Variants in PHACTR3 observed in about 807,000 individuals in gnomAD.
The protein encoded by PHACTR3 is phosphatase and actin regulator 3, also known as protein phosphatase 1, regulatory subunit 123.
In PHACTR3, 16 loss-of-function variants were observed where a neutral mutation model predicts 66.8. That is an observed-to-expected ratio of 0.24 (90% CI 0.16 to 0.36). PHACTR3 has a LOEUF of 0.36. Ranked by LOEUF, PHACTR3 falls within the 10% of genes least tolerant of loss-of-function variation. PHACTR3 has a pLI of 1.00. For synonymous variants in PHACTR3, 323 were observed against 292.1 expected (o/e 1.11, Z -1.08); for missense variants, 647 against 719.9 (o/e 0.90, Z 1.16).
intron 1 of PHACTR3, among the ~76,000 whole-genome samples, chr20:59,682,169 G>T (rs1306399350): frequency 6.6e-6 from 1 of 151,808 alleles, no homozygotes; most frequent in Non-Finnish European, 1.5e-5. Context: ...GCAAAACCCC[G>T]TCTCTACTAA....
At chr20:59,808,131 C>T (rs183729456) in intron 8 of PHACTR3, among the ~76,000 whole-genome samples, 2 of 152,312 alleles carry the variant, frequency 1.3e-5, no homozygotes, top group African/African-American at 4.8e-5. Context: ...CTACCATGAG[C>T]CGGGTGGAGC....
intron 7 of PHACTR3, among the ~76,000 whole-genome samples, chr20:59,799,702 T>A (rs1467225549): frequency 6.6e-6 from 1 of 152,184 alleles, no homozygotes; most frequent in Non-Finnish European, 1.5e-5. Context: ...AGGTTCTTTA[T>A]ATATAAGACT....
intron 7 of PHACTR3, among the ~76,000 whole-genome samples, chr20:59,776,037 T>A (rs950367199): frequency 6.6e-6 from 1 of 152,202 alleles, no homozygotes; most frequent in Non-Finnish European, 1.5e-5. Flanking sequence ...CAGCTGAGAA[T>A]CACTGGCATA....
chr20:59,791,250 C>T (rs1291699579), intron 7 of PHACTR3, among the ~76,000 whole-genome samples: 1 of 152,164 alleles, frequency 6.6e-6, no homozygotes, highest in African/African-American at 2.4e-5. Context: ...CTTTGCCCTT[C>T]TGTTATGTTA....
At chr20:59,686,999 T>C (rs1321026964) in intron 1 of PHACTR3, among the ~76,000 whole-genome samples, 2 of 151,548 alleles carry the variant, frequency 1.3e-5, no homozygotes, top group African/African-American at 4.9e-5. Context: ...GTGATGATGG[T>C]GGTGATTGTG....
chr20:59,716,914 G>A (rs1433015161), intron 1 of PHACTR3, among the ~76,000 whole-genome samples: 1 of 152,164 alleles, frequency 6.6e-6, no homozygotes, highest in Non-Finnish European at 1.5e-5. Flanking sequence ...ACGCAAGCGT[G>A]GGTGAAGGCT....
chr20:59,832,114 G>A (rs1229272729), intron 8 of PHACTR3, among the ~76,000 whole-genome samples: 2 of 152,148 alleles, frequency 1.3e-5, no homozygotes, highest in East Asian at 3.9e-4. Context: ...CCTGCCAGCT[G>A]GTGTTGCCGG....
intron 1 of PHACTR3, among the ~76,000 whole-genome samples, chr20:59,708,423 C>T (rs1044377597): frequency 5.3e-5 from 8 of 152,182 alleles, no homozygotes; most frequent in East Asian, 1.9e-4. Context: ...CATGGAGAAC[C>T]GTGCCCTGGC....
At chr20:59,692,235 A>G (rs1274620685) in intron 1 of PHACTR3, among the ~76,000 whole-genome samples, 3 of 152,334 alleles carry the variant, frequency 2.0e-5, no homozygotes, top group Middle Eastern at 3.4e-3. Flanking sequence ...GCTCAAGAAC[A>G]AAAGCCCTAC....
intron 1 of PHACTR3, among the ~76,000 whole-genome samples, chr20:59,700,969 T>TG (rs1433465712): frequency 2.9e-5 from 1 of 33,960 alleles, no homozygotes; most frequent in Non-Finnish European, 4.7e-5. Flanking sequence ...TTTAAAAAAA[T>TG]TTTTTGGCGA....
intron 1 of PHACTR3, 143 bp downstream of exon 1, chr20:59,605,275 C>G: frequency 2.0e-6 from 1 of 511,702 alleles, no homozygotes; most frequent in Non-Finnish European, 3.0e-6. Context: ...CGGTTCCTAT[C>G]CCCAGTCTCG....
chr20:59,697,000 C>T lies in PHACTR3; in HGVS notation c.119-46107C>T, dbSNP rs374492345. Reference sequence around the variant, plus strand: ...GTTCAGCAGAGGGTGCTGGGATTCACCCCAAATATTTGGGCAGAGGGAGAG... The same window carrying T: ...GTTCAGCAGAGGGTGCTGGGATTCATCCCAAATATTTGGGCAGAGGGAGAG... On this transcript the variant is annotated intron_variant, in intron 1 of 12. Transcript: ENST00000371015. 7.9e-5 allele frequency among the ~76,000 whole-genome samples: 12 copies of T among 152,258 alleles called. No homozygotes were observed. In the East Asian group the frequency reaches 2.3e-3, roughly 29 times the overall value.
At chr20:59,779,798 C>G (rs972080918) in intron 7 of PHACTR3, among the ~76,000 whole-genome samples, 5 of 152,332 alleles carry the variant, frequency 3.3e-5, no homozygotes, top group African/African-American at 1.2e-4. Flanking sequence ...CATGCGTGCC[C>G]ACACACACAG....
intron 1 of PHACTR3, among the ~76,000 whole-genome samples, chr20:59,634,018 C>A (rs756780738): frequency 6.6e-6 from 1 of 152,182 alleles, no homozygotes; most frequent in Non-Finnish European, 1.5e-5. Context: ...AATTTTTACA[C>A]GATTCCTCTG....
intron 1 of PHACTR3, among the ~76,000 whole-genome samples, chr20:59,720,970 C>T (rs79150986): frequency 0.018 from 2,790 of 151,764 alleles, 92 homozygotes; most frequent in African/African-American, 0.061. Flanking sequence ...TGTCAGGGAC[C>T]GTGGTACACC....
At chr20:59,750,684 G>A (rs2039547103) in intron 3 of PHACTR3, among the ~76,000 whole-genome samples, 3 of 152,174 alleles carry the variant, frequency 2.0e-5, no homozygotes, top group Admixed American at 1.3e-4. Flanking sequence ...GCGAGTGGGT[G>A]GGATCTGCGA....
At chr20:59,823,418 T>G (rs2145431777) in intron 8 of PHACTR3, among the ~76,000 whole-genome samples, 1 of 152,288 alleles carries the variant, frequency 6.6e-6, no homozygotes, top group Middle Eastern at 3.4e-3. Flanking sequence ...TCCTCAGTGC[T>G]CAGCCCCAGG....
intron 8 of PHACTR3, among the ~76,000 whole-genome samples, chr20:59,823,049 A>T (rs1354114919): frequency 1.3e-5 from 2 of 152,220 alleles, no homozygotes; most frequent in African/African-American, 4.8e-5. Context: ...AGGCCCTGGT[A>T]CCTGGCAGGT....
At chr20:59,678,873 G>A (rs976180233) in intron 1 of PHACTR3, among the ~76,000 whole-genome samples, 3 of 152,032 alleles carry the variant, frequency 2.0e-5, no homozygotes, top group Admixed American at 6.6e-5. Context: ...CTCACATCTT[G>A]GGAACCTGTA....
Sources: gnomAD v4.1 joint callset for allele counts (sites outside exome capture counted in the v4.1 genomes callset) on GRCh38, gnomAD v4.1.1 for gene constraint, MANE v1.5 for transcripts, NCBI Gene and HGNC (gene_info 2026-07-23, HGNC 2026-07-21) for gene names.